Variants in ADGRG2 observed in about 807,000 individuals in gnomAD.
ADGRG2 encodes the protein adhesion G protein-coupled receptor G2.
ADGRG2 carries 26 observed loss-of-function variants against 74.1 expected under a neutral mutation model. That is an observed-to-expected ratio of 0.35 (90% CI 0.26 to 0.49). ADGRG2 has a LOEUF of 0.49. Ranked by LOEUF, ADGRG2 falls within the 20% of genes least tolerant of loss-of-function variation. ADGRG2 has a pLI of 0.99. For synonymous variants in ADGRG2, 296 were observed against 295.2 expected (o/e 1.00, Z -0.03); for missense variants, 619 against 763.1 (o/e 0.81, Z 2.22).
At chrX:19,110,099 T>C (rs2062384904) in intron 1 of ADGRG2, among the ~76,000 whole-genome samples, 1 of 111,817 alleles carries the variant, frequency 8.9e-6, no homozygotes, top group African/African-American at 3.2e-5. Context: ...CATTTATTCA[T>C]CAAATATTTA....
intron 3 of ADGRG2, among the ~76,000 whole-genome samples, chrX:19,067,481 T>C (rs191872293): frequency 8.9e-6 from 1 of 111,852 alleles, no homozygotes; most frequent in African/African-American, 3.2e-5. Context: ...CCTTATACCA[T>C]ATACAAAAAT....
intron 20 of ADGRG2, among the ~76,000 whole-genome samples, chrX:19,006,768 T>TA (rs906184388): frequency 1.9e-5 from 2 of 103,849 alleles, no homozygotes; most frequent in African/African-American, 7.2e-5. Context: ...TTTTTTTTTT[T>TA]TTTTTTTTGA....
At chrX:19,045,692 C>T (rs1569101588) in intron 3 of ADGRG2, among the ~76,000 whole-genome samples, 1 of 110,287 alleles carries the variant, frequency 9.1e-6, no homozygotes, top group Non-Finnish European at 1.9e-5. Context: ...ATACCCAGGC[C>T]GTCACTGCCT....
rs1207134731 is a variant in ADGRG2, at chrX:19,063,409, G to T, written c.118+5308C>A. 2.7e-5 allele frequency among the ~76,000 whole-genome samples: 3 copies of T among 112,575 alleles called. No homozygotes were observed. In the East Asian group the frequency reaches 8.4e-4, roughly 31 times the overall value. ...GGTGCCCTGGGCAGCCTGGTGTCGT[G>T]TGAGTAGTACAGGCTACAGATTCTG... is the stretch of plus-strand genomic sequence containing the variant. On this transcript the variant is annotated intron_variant, in intron 3 of 28. Coordinates refer to ENST00000379869, the MANE Select transcript of ADGRG2 (RefSeq NM_001079858.3).
At chrX:19,113,375 A>G (rs1445284320) in intron 1 of ADGRG2, among the ~76,000 whole-genome samples, 1 of 111,393 alleles carries the variant, frequency 9.0e-6, no homozygotes, top group South Asian at 3.8e-4. Flanking sequence ...CAATCAATCA[A>G]TGCAACAACC....
intron 1 of ADGRG2, among the ~76,000 whole-genome samples, chrX:19,110,706 CAA>C (rs61043602): frequency 2.4e-5 from 2 of 83,901 alleles, no homozygotes; most frequent in African/African-American, 4.1e-5. Context: ...AAAAAACAAA[CAA>C]AAAAAAAAAA....
intron 1 of ADGRG2, among the ~76,000 whole-genome samples, chrX:19,085,723 A>G (rs2061925975): frequency 8.9e-6 from 1 of 111,769 alleles, no homozygotes; most frequent in Admixed American, 9.5e-5. Flanking sequence ...GGAAAGGATG[A>G]AGCCAAATTG....
chrX:19,089,156 T>A (rs887528888), intron 1 of ADGRG2, among the ~76,000 whole-genome samples: 8 of 112,192 alleles, frequency 7.1e-5, no homozygotes, highest in Non-Finnish European at 1.5e-4. Context: ...AATAACATTT[T>A]AAAAATTCAA....
At chrX:19,033,437 A>G in intron 8 of ADGRG2, 176 bp downstream of exon 8, 1 of 361,998 alleles carries the variant, frequency 2.8e-6, no homozygotes. Context: ...ATTATTATAT[A>G]GCCCCAAACA....
chrX:19,019,568 A>G (rs1482501777), intron 15 of ADGRG2, 31 bp downstream of exon 15: 2 of 679,136 alleles, frequency 2.9e-6, no homozygotes, highest in South Asian at 2.8e-5. Context: ...TTTTTTTTTT[A>G]AGGAGAAGGG....
At chrX:19,094,053 T>C (rs995621304) in intron 1 of ADGRG2, among the ~76,000 whole-genome samples, 1 of 111,737 alleles carries the variant, frequency 8.9e-6, no homozygotes, top group African/African-American at 3.3e-5. Flanking sequence ...ATACTGCATG[T>C]TCTTACTTAT....
chrX:19,026,525 C>T (rs1168328263), intron 11 of ADGRG2, among the ~76,000 whole-genome samples: 6 of 102,529 alleles, frequency 5.9e-5, no homozygotes, highest in Non-Finnish European at 7.9e-5. Context: ...GACAGAGTTT[C>T]GCTCTTGTCA....
At chrX:19,002,797 A>C in intron 24 of ADGRG2, 49 bp downstream of exon 24, 1 of 1,134,580 alleles carries the variant, frequency 8.8e-7, no homozygotes, top group Non-Finnish European at 1.2e-6. Flanking sequence ...AAAACACTAG[A>C]GAAAAGGCAG....
rs1276897125 is a variant in ADGRG2, at chrX:19,051,187, G to A, written c.119-10963C>T. Among the ~76,000 whole-genome samples the A allele has an allele frequency of 2.7e-5, 3 of 111,620 alleles. No homozygotes were observed. In the East Asian group the frequency reaches 8.5e-4, roughly 32 times the overall value. Reference sequence around the variant, plus strand: ...CCTTCCTGGTTCACACCATTCTCCTGCCTCGGCCTCCTGAATAGCTGGGAC... The same window carrying A: ...CCTTCCTGGTTCACACCATTCTCCTACCTCGGCCTCCTGAATAGCTGGGAC... On this transcript the variant is annotated intron_variant, in intron 3 of 28. Coordinates refer to ENST00000379869, the MANE Select transcript of ADGRG2 (RefSeq NM_001079858.3).
intron 28 of ADGRG2, among the ~76,000 whole-genome samples, chrX:18,994,288 G>A (rs989765974): frequency 2.7e-5 from 3 of 111,914 alleles, no homozygotes; most frequent in Non-Finnish European, 3.8e-5. Context: ...TCAGGAGCTC[G>A]AGACTAGCCT....
At chrX:19,022,859 G>A (rs937776925) in intron 13 of ADGRG2, among the ~76,000 whole-genome samples, 1 of 111,434 alleles carries the variant, frequency 9.0e-6, no homozygotes, top group African/African-American at 3.3e-5. Flanking sequence ...ACCATGCCTG[G>A]CTAATTTTTG....
chrX:19,088,484 G>C (rs1409133753), intron 1 of ADGRG2, among the ~76,000 whole-genome samples: 1 of 111,548 alleles, frequency 9.0e-6, no homozygotes, highest in Non-Finnish European at 1.9e-5. Context: ...TTTCTTTTTT[G>C]TTTTTTGTTT....
intron 4 of ADGRG2, among the ~76,000 whole-genome samples, chrX:19,038,751 C>T (rs2060994991): frequency 8.9e-6 from 1 of 112,036 alleles, no homozygotes; most frequent in African/African-American, 3.2e-5. Context: ...CCAGGGCACC[C>T]AGAAGCCAGG....
intron 1 of ADGRG2, among the ~76,000 whole-genome samples, chrX:19,100,528 G>A (rs936861667): frequency 8.8e-6 from 1 of 113,010 alleles, no homozygotes; most frequent in Non-Finnish European, 1.9e-5. Context: ...AACCCCTCAC[G>A]GCTTCCTGTG....
Sources: allele counts gnomAD v4.1 joint callset (sites outside exome capture counted in the v4.1 genomes callset), GRCh38; gene constraint gnomAD v4.1.1; transcripts MANE v1.5; gene names NCBI Gene and HGNC (gene_info 2026-07-23, HGNC 2026-07-21).